CPEB4: variants seen among roughly 807,000 people sequenced by gnomAD.
CPEB4 encodes the protein cytoplasmic polyadenylation element-binding protein 4.
CPEB4 carries 12 observed loss-of-function variants against 72.5 expected under a neutral mutation model. The observed-to-expected ratio is 0.17, with a 90% CI of 0.11 to 0.27. CPEB4 has a LOEUF of 0.27. Ranked by LOEUF, CPEB4 falls within the 10% of genes least tolerant of loss-of-function variation. The pLI is 1.00. For missense variants in CPEB4, 614 were observed against 908.5 expected, an observed-to-expected ratio of 0.68 and a Z score of 4.17; for synonymous variants, 302 against 326.3, an observed-to-expected ratio of 0.93 and a Z score of 0.80.
At chr5:173,907,884 T>C (rs1756502691) in intron 1 of CPEB4, among the ~76,000 whole-genome samples, 1 of 152,188 alleles carries the variant, frequency 6.6e-6, no homozygotes, top group Non-Finnish European at 1.5e-5. Context: ...ATCACCCTGT[T>C]GTGGTAGGCA....
At chr5:173,913,289 C>G (rs1756734992) in intron 2 of CPEB4, among the ~76,000 whole-genome samples, 1 of 151,948 alleles carries the variant, frequency 6.6e-6, no homozygotes, top group South Asian at 2.1e-4. Flanking sequence ...CCTTTGCCTC[C>G]TGGGTTCAAG....
At chr5:173,932,089 T>A (rs912285091) in intron 2 of CPEB4, among the ~76,000 whole-genome samples, 2 of 152,204 alleles carry the variant, frequency 1.3e-5, no homozygotes, top group African/African-American at 4.8e-5. Context: ...AGGAGAATAT[T>A]ACTGCCAATT....
At chr5:173,948,318 G>A (rs1405395614) in intron 5 of CPEB4, among the ~76,000 whole-genome samples, 2 of 152,170 alleles carry the variant, frequency 1.3e-5, no homozygotes, top group Non-Finnish European at 2.9e-5. Flanking sequence ...CTTGTAGAAC[G>A]CTAATTGAAT....
At chr5:173,941,322 T>G (rs933557664) in intron 3 of CPEB4, among the ~76,000 whole-genome samples, 1 of 152,190 alleles carries the variant, frequency 6.6e-6, no homozygotes, top group African/African-American at 2.4e-5. Context: ...CCCAACCCCC[T>G]AAACTTAAGA....
At chr5:173,932,389 G>T in intron 2 of CPEB4, 61 bp from the exon 3 acceptor site, 1 of 1,324,816 alleles carries the variant, frequency 7.5e-7, no homozygotes. Flanking sequence ...CTCTGTTATT[G>T]AATAAGTTTA....
intron 2 of CPEB4, among the ~76,000 whole-genome samples, chr5:173,923,474 G>A (rs2113213605): frequency 1.3e-5 from 2 of 152,184 alleles, no homozygotes; most frequent in Admixed American, 1.3e-4. Context: ...TTATGTTCAT[G>A]TCAGCACAGA....
intron 2 of CPEB4, among the ~76,000 whole-genome samples, chr5:173,916,277 T>G (rs1022030355): frequency 1.3e-5 from 2 of 152,238 alleles, no homozygotes; most frequent in Admixed American, 1.3e-4. Flanking sequence ...TGCTTTCAGA[T>G]TTTTGAAAGA....
At position 173,889,573 on chromosome 5, in the gene CPEB4, C is replaced by A; in HGVS notation, c.-161C>A. On this transcript the variant is annotated 5_prime_UTR_variant, in exon 1 of 10. Coordinates refer to ENST00000265085, the MANE Select transcript of CPEB4 (RefSeq NM_030627.4). ...TCTTTCAGAGACCAGAATTCCAAAT[C>A]AGAACAATTTAAGGTGATAAGCTGC... is the stretch of plus-strand genomic sequence containing the variant. The A allele has an allele frequency of 3.6e-6, 2 of 555,128 alleles. No individual in the cohort carries two copies. The highest frequency in any genetic ancestry group is 6.2e-6 in the Non-Finnish European group (2 of 321,538). 34.4% of individuals were successfully genotyped at this position (555,128 alleles called of 1,614,324 possible).
chr5:173,894,670 T>A (rs1755940527), intron 1 of CPEB4, among the ~76,000 whole-genome samples: 1 of 152,044 alleles, frequency 6.6e-6, no homozygotes, highest in Non-Finnish European at 1.5e-5. Context: ...CTAAATGTTT[T>A]ACATGTATTG....
At chr5:173,940,505 G>A (rs1757799589) in intron 3 of CPEB4, among the ~76,000 whole-genome samples, 1 of 152,202 alleles carries the variant, frequency 6.6e-6, no homozygotes, top group African/African-American at 2.4e-5. Flanking sequence ...TTTGAAATAA[G>A]TGAGGAAAAG....
At chr5:173,911,508 C>G (rs769217229) in intron 2 of CPEB4, among the ~76,000 whole-genome samples, 5 of 151,998 alleles carry the variant, frequency 3.3e-5, no homozygotes, top group Admixed American at 1.3e-4. Flanking sequence ...ATGATCTGCC[C>G]GCCTCGGCCT....
rs191151682 is a variant in CPEB4 at position 173,950,905 on chromosome 5, G to C, written c.1665+827G>C. Among the ~76,000 whole-genome samples, 35 of 152,260 alleles carry C rather than the reference G, an allele frequency of 2.3e-4. No individual in the cohort carries two copies. The highest frequency in any genetic ancestry group is 8.4e-4 in the African/African-American group (35 of 41,544). ...TAGTCTTTAGGAAGAGGAGCAACTGGCATGTTTTGATGACTCTGGCAAAGC... is the reference window on the plus strand; with the variant it reads ...TAGTCTTTAGGAAGAGGAGCAACTGCCATGTTTTGATGACTCTGGCAAAGC... On this transcript the variant is annotated intron_variant, in intron 7 of 9. Transcript: ENST00000265085. This position sits in a 1 kb window ranked among gnomAD's most constrained non-coding sequence, Gnocchi z 5.0.
intron 1 of CPEB4, among the ~76,000 whole-genome samples, chr5:173,893,819 T>G (rs899711855): frequency 6.6e-6 from 1 of 152,220 alleles, no homozygotes; most frequent in Non-Finnish European, 1.5e-5. Flanking sequence ...TGGGTACATA[T>G]AATGAATTAA....
chr5:173,949,818 C>T (rs909831833), intron 6 of CPEB4, 142 bp from the exon 7 acceptor site: 4 of 732,856 alleles, frequency 5.5e-6, no homozygotes, highest in African/African-American at 1.8e-5. Flanking sequence ...ATGTTGATGT[C>T]ATCAGACTTT....
At chr5:173,897,563 A>C (rs1756063929) in intron 1 of CPEB4, among the ~76,000 whole-genome samples, 1 of 152,210 alleles carries the variant, frequency 6.6e-6, no homozygotes, top group East Asian at 1.9e-4. Flanking sequence ...TCTTTGAGTA[A>C]GACTGAACAT....
chr5:173,911,300 T>C (rs1756649706), intron 2 of CPEB4, among the ~76,000 whole-genome samples: 1 of 151,586 alleles, frequency 6.6e-6, no homozygotes, highest in Non-Finnish European at 1.5e-5. Context: ...AGACGGAGTC[T>C]TGCCCTGTCG....
intron 7 of CPEB4, among the ~76,000 whole-genome samples, chr5:173,951,533 G>T (rs1006916782): frequency 6.6e-6 from 1 of 152,056 alleles, no homozygotes; most frequent in African/African-American, 2.4e-5. Flanking sequence ...CAGACTAAAG[G>T]CCCAAATAAG....
At chr5:173,948,795 TG>T (rs1758121608) in intron 5 of CPEB4, among the ~76,000 whole-genome samples, 1 of 152,118 alleles carries the variant, frequency 6.6e-6, no homozygotes, top group Admixed American at 6.6e-5. Context: ...ATCTTCTTAT[TG>T]TACACTCACA....
chr5:173,953,601 T>C (rs1403110606), intron 9 of CPEB4, among the ~76,000 whole-genome samples: 1 of 152,240 alleles, frequency 6.6e-6, no homozygotes, highest in Non-Finnish European at 1.5e-5. Context: ...TTCTGTGTTA[T>C]ATCAAGTATA....
Sources: allele counts gnomAD v4.1 joint callset (sites outside exome capture counted in the v4.1 genomes callset), GRCh38; gene constraint gnomAD v4.1.1; non-coding constraint Gnocchi (gnomAD v3.1); transcripts MANE v1.5; gene names NCBI Gene and HGNC (gene_info 2026-07-23, HGNC 2026-07-21).